Variants in PTPRT observed in about 807,000 individuals in gnomAD.
PTPRT encodes receptor-type tyrosine-protein phosphatase T.
A neutral mutation model predicts 176.8 loss-of-function variants in PTPRT; 56 were observed. The observed-to-expected ratio is 0.32, with a 90% CI of 0.26 to 0.40. PTPRT has a LOEUF of 0.40. Ranked by LOEUF, PTPRT falls within the 10% of genes least tolerant of loss-of-function variation. PTPRT has a pLI of 1.00. For synonymous variants in PTPRT, 783 were observed against 739.0 expected, an observed-to-expected ratio of 1.06 and a Z score of -0.96; for missense variants, 1,540 against 1,908.2, an observed-to-expected ratio of 0.81 and a Z score of 3.60.
intron 7 of PTPRT, among the ~76,000 whole-genome samples, chr20:42,487,605 A>G (rs868113101): frequency 2.9e-4 from 44 of 152,196 alleles, no homozygotes; most frequent in Admixed American, 1.6e-3. Flanking sequence ...GAGAGGAGAA[A>G]TGATGTTAGG....
chr20:42,367,880 G>T (rs2058536321), intron 9 of PTPRT, among the ~76,000 whole-genome samples: 2 of 152,210 alleles, frequency 1.3e-5, no homozygotes, highest in Admixed American at 1.3e-4. Context: ...TACAAATTGT[G>T]AGAGCCAGGC....
At chr20:43,106,866 C>T (rs1225840571) in intron 1 of PTPRT, among the ~76,000 whole-genome samples, 1 of 152,008 alleles carries the variant, frequency 6.6e-6, no homozygotes. Context: ...TCTTCACTCA[C>T]CACAACCTCC....
At chr20:42,434,562 T>C (rs185415390) in intron 9 of PTPRT, among the ~76,000 whole-genome samples, 4 of 151,512 alleles carry the variant, frequency 2.6e-5, no homozygotes, top group African/African-American at 9.7e-5. Context: ...TATAAGGTCA[T>C]ATATATGGAC....
intron 7 of PTPRT, among the ~76,000 whole-genome samples, chr20:42,491,591 C>T (rs751051777): frequency 7.9e-5 from 12 of 152,024 alleles, no homozygotes; most frequent in Admixed American, 4.6e-4. Context: ...TTTCTTCTCC[C>T]GTCCGTCTGC....
chr20:42,713,341 T>C (rs2076174413), intron 6 of PTPRT, among the ~76,000 whole-genome samples: 2 of 152,202 alleles, frequency 1.3e-5, no homozygotes, highest in African/African-American at 4.8e-5. Context: ...TTTTAACTGC[T>C]GCCAGCCAGG....
chr20:42,104,096 A>G (rs1245362366), intron 25 of PTPRT, among the ~76,000 whole-genome samples: 2 of 152,152 alleles, frequency 1.3e-5, no homozygotes, highest in Non-Finnish European at 2.9e-5. Context: ...ATGTGATGGT[A>G]TTAGGAGGTT....
chr20:42,521,507 G>T (rs1425588399), intron 7 of PTPRT, among the ~76,000 whole-genome samples: 1 of 152,020 alleles, frequency 6.6e-6, no homozygotes, highest in Non-Finnish European at 1.5e-5. Context: ...TCTTTAATAG[G>T]TGTGCTGAAT....
chr20:43,059,790 C>T (rs1238435400), intron 1 of PTPRT, among the ~76,000 whole-genome samples: 1 of 152,024 alleles, frequency 6.6e-6, no homozygotes, highest in Non-Finnish European at 1.5e-5. Flanking sequence ...ACCAGCCTGG[C>T]CAACATGGTG....
chr20:42,757,515 G>A (rs2076852396), intron 5 of PTPRT, among the ~76,000 whole-genome samples: 1 of 152,090 alleles, frequency 6.6e-6, no homozygotes, highest in Non-Finnish European at 1.5e-5. Flanking sequence ...GTCTCCCTGG[G>A]GACACTCCGT....
At chr20:42,052,778 G>T in the PTPRT span, among the ~76,000 whole-genome samples, 2 of 152,086 alleles carry the variant, frequency 1.3e-5, no homozygotes, top group African/African-American at 4.8e-5. Flanking sequence ...TGAGTCCAGG[G>T]CTCCTGCAGG....
intron 1 of PTPRT, among the ~76,000 whole-genome samples, chr20:43,123,222 C>T (rs2013329858): frequency 6.6e-6 from 1 of 152,172 alleles, no homozygotes; most frequent in Non-Finnish European, 1.5e-5. Flanking sequence ...TTCTTTTAAA[C>T]AAGAGGTGGA....
chr20:42,593,169 T>C lies in PTPRT; in HGVS notation c.1153+84697A>G, dbSNP rs532473563. On this transcript the variant is annotated intron_variant, in intron 7 of 30. Transcript: ENST00000373187. ...CTCAACACCGGCACAGTAATCATCA[T>C]GGAATCTCAGAATCACTGGAGGAGC... 5.3e-5 allele frequency among the ~76,000 whole-genome samples: 8 copies of C among 152,282 alleles called. No individual in the cohort carries two copies. In the South Asian group the frequency reaches 1.5e-3, roughly 28 times the overall value.
chr20:42,039,635 T>C, the PTPRT span, among the ~76,000 whole-genome samples: 1 of 148,718 alleles, frequency 6.7e-6, no homozygotes, highest in African/African-American at 2.5e-5. Flanking sequence ...GGTTCATCTA[T>C]GTTATTTCAA....
At chr20:42,038,717 A>G in the PTPRT span, among the ~76,000 whole-genome samples, 2 of 152,222 alleles carry the variant, frequency 1.3e-5, no homozygotes. Context: ...TAACACATGC[A>G]TGGAGACAAG....
chr20:42,525,796 A>C (rs1002634399), intron 7 of PTPRT, among the ~76,000 whole-genome samples: 2 of 152,202 alleles, frequency 1.3e-5, no homozygotes, highest in Non-Finnish European at 2.9e-5. Flanking sequence ...CACGGAATCT[A>C]TCTGTTGTTG....
intron 15 of PTPRT, among the ~76,000 whole-genome samples, chr20:42,206,524 C>G (rs984215696): frequency 2.0e-5 from 3 of 152,180 alleles, no homozygotes; most frequent in Non-Finnish European, 2.9e-5. Context: ...GGGTGACGGA[C>G]GGCACCTGGA....
At chr20:42,794,566 A>G (rs924205353) in intron 2 of PTPRT, among the ~76,000 whole-genome samples, 2 of 152,242 alleles carry the variant, frequency 1.3e-5, no homozygotes, top group African/African-American at 4.8e-5. Flanking sequence ...AGGGCAGTGC[A>G]CCATAAAAGA....
chr20:42,724,145 A>C (rs1479796605), intron 6 of PTPRT, among the ~76,000 whole-genome samples: 1 of 152,264 alleles, frequency 6.6e-6, no homozygotes, highest in African/African-American at 2.4e-5. Context: ...TAGGCAAAGC[A>C]ATAAAATCCT....
chr20:42,955,537 C>A (rs1458921189), intron 1 of PTPRT, among the ~76,000 whole-genome samples: 1 of 152,138 alleles, frequency 6.6e-6, no homozygotes, highest in Non-Finnish European at 1.5e-5. Context: ...GGGGCATAAC[C>A]GTAATTAGTA....
Sources: gnomAD v4.1 joint callset for allele counts (sites outside exome capture counted in the v4.1 genomes callset) on GRCh38, gnomAD v4.1.1 for gene constraint, MANE v1.5 for transcripts, NCBI Gene and HGNC (gene_info 2026-07-23, HGNC 2026-07-21) for gene names.